SPATA17: variants seen among roughly 807,000 people sequenced by gnomAD.
SPATA17 encodes the protein spermatogenesis-associated protein 17.
A neutral mutation model predicts 62.2 loss-of-function variants in SPATA17; 53 were observed. The observed-to-expected ratio is 0.85, with a 90% confidence interval of 0.68 to 1.07. The LOEUF (loss-of-function observed/expected upper bound fraction) is 1.07, where lower values mean the gene tolerates loss of function less well. Among genes scored for constraint, SPATA17 ranks in the 50% least tolerant of loss-of-function variants. The probability of loss-of-function intolerance (pLI) is 0.00; values close to 1 mark genes in which losing one functional copy is unlikely to be tolerated. For synonymous variants in SPATA17, 146 were observed against 146.8 expected (o/e 0.99, Z 0.04); for missense variants, 466 against 425.5 (o/e 1.10, Z -0.84).
intron 5 of SPATA17, among the ~76,000 whole-genome samples, chr1:217,730,517 A>G (rs1480004734): frequency 1.3e-5 from 2 of 152,100 alleles, no homozygotes; most frequent in Admixed American, 6.6e-5. Context: ...CACCACGCCC[A>G]GCCAAGTTTT....
intron 6 of SPATA17, among the ~76,000 whole-genome samples, chr1:217,752,816 A>G (rs1479305716): frequency 2.0e-5 from 3 of 152,136 alleles, no homozygotes; most frequent in South Asian, 2.1e-4. Flanking sequence ...AGGATGTCCT[A>G]TTGCAATGAA....
chr1:217,829,410 CT>C (rs1675078848), intron 9 of SPATA17, among the ~76,000 whole-genome samples: 1 of 151,616 alleles, frequency 6.6e-6, no homozygotes, highest in African/African-American at 2.4e-5. Context: ...GCTGGATCAT[CT>C]GAGGTCAGGA....
rs566582195 is a variant in SPATA17 at position 217,654,840 on chromosome 1, G to A, written c.240+3662G>A. 1.3e-3 allele frequency among the ~76,000 whole-genome samples: 201 copies of A among 151,678 alleles called. 1 individual carries two copies. Among genetic ancestry groups the A allele is most frequent in the African/African-American group, 4.5e-3 (185 of 41,328 alleles). ...CGATTCTCCTGCCTCAGCCTCCCGAGTAGCTGGGACTACAGGCACGTGCCA... is the reference window on the plus strand; with the variant it reads ...CGATTCTCCTGCCTCAGCCTCCCGAATAGCTGGGACTACAGGCACGTGCCA... On this transcript the variant is annotated intron_variant, in intron 3 of 10. Coordinates refer to ENST00000366933, the MANE Select transcript of SPATA17 (RefSeq NM_138796.4).
chr1:217,798,594 G>A (rs1184745945), intron 8 of SPATA17, among the ~76,000 whole-genome samples: 2 of 152,196 alleles, frequency 1.3e-5, no homozygotes, highest in Non-Finnish European at 2.9e-5. Flanking sequence ...AGTTTAGAGA[G>A]AGGAATGTGA....
At chr1:217,674,611 G>T (rs750508972) in intron 4 of SPATA17, among the ~76,000 whole-genome samples, 1 of 152,202 alleles carries the variant, frequency 6.6e-6, no homozygotes, top group Non-Finnish European at 1.5e-5. Context: ...AGGGGAACAC[G>T]GTGGTGCCCA....
chr1:217,648,168 TATC>T (rs1303932099), intron 1 of SPATA17, among the ~76,000 whole-genome samples: 2 of 152,234 alleles, frequency 1.3e-5, no homozygotes, highest in Non-Finnish European at 2.9e-5. Context: ...ATAGTAATCT[TATC>T]ATGGTGCCTT....
intron 9 of SPATA17, among the ~76,000 whole-genome samples, chr1:217,844,628 A>T (rs1448998902): frequency 6.6e-6 from 1 of 152,136 alleles, no homozygotes; most frequent in Non-Finnish European, 1.5e-5. Context: ...GGGAACTTAC[A>T]CTATAAAGTA....
At chr1:217,806,441 C>T (rs1382478563) in intron 9 of SPATA17, among the ~76,000 whole-genome samples, 1 of 152,176 alleles carries the variant, frequency 6.6e-6, no homozygotes, top group Non-Finnish European at 1.5e-5. Flanking sequence ...GTAGCAGCCC[C>T]AGTGATCTCT....
intron 8 of SPATA17, among the ~76,000 whole-genome samples, chr1:217,787,516 A>G (rs1187167586): frequency 6.6e-6 from 1 of 152,074 alleles, no homozygotes; most frequent in Non-Finnish European, 1.5e-5. Context: ...AAAATTTTCT[A>G]CTTCCTTTGA....
At chr1:217,771,736 C>G (rs1673451366) in intron 6 of SPATA17, among the ~76,000 whole-genome samples, 1 of 152,122 alleles carries the variant, frequency 6.6e-6, no homozygotes, top group Non-Finnish European at 1.5e-5. Flanking sequence ...AGAGAATACA[C>G]ATGAGGAGGT....
intron 6 of SPATA17, among the ~76,000 whole-genome samples, chr1:217,767,925 T>C (rs1571792485): frequency 6.6e-6 from 1 of 152,150 alleles, no homozygotes; most frequent in African/African-American, 2.4e-5. Flanking sequence ...TATGGCTTGC[T>C]TCAGGCTTTT....
intron 3 of SPATA17, chr1:217,665,198 G>A (rs1261885441): frequency 6.6e-6 from 1 of 152,168 alleles, no homozygotes; most frequent in East Asian, 1.9e-4. Flanking sequence ...ACTCTCATCA[G>A]TAATCATTAT....
intron 3 of SPATA17, 132 bp from the exon 4 acceptor site, chr1:217,668,901 G>A (rs903270146): frequency 3.8e-6 from 3 of 794,316 alleles, no homozygotes; most frequent in Non-Finnish European, 2.0e-6. Flanking sequence ...TACAACATTT[G>A]ATTTCATTTT....
At chr1:217,717,816 A>C (rs557751756) in intron 5 of SPATA17, among the ~76,000 whole-genome samples, 1 of 152,262 alleles carries the variant, frequency 6.6e-6, no homozygotes, top group Admixed American at 6.5e-5. Context: ...CTTGGACTAG[A>C]GGTTGCCAAT....
intron 5 of SPATA17, among the ~76,000 whole-genome samples, chr1:217,685,747 A>G (rs945817036): frequency 1.8e-4 from 27 of 152,170 alleles, no homozygotes; most frequent in African/African-American, 6.3e-4. Context: ...TATATAGGAT[A>G]CTTACGTCCT....
At chr1:217,636,039 A>G (rs373165056) in intron 1 of SPATA17, among the ~76,000 whole-genome samples, 7 of 148,812 alleles carry the variant, frequency 4.7e-5, no homozygotes, top group African/African-American at 1.7e-4. Context: ...AGGCTGAGGC[A>G]GGAGAATCAC....
chr1:217,656,080 C>T (rs1404203803), intron 3 of SPATA17, among the ~76,000 whole-genome samples: 1 of 151,888 alleles, frequency 6.6e-6, no homozygotes, highest in African/African-American at 2.4e-5. Context: ...GATGGGGTTT[C>T]ACCATGTTGG....
intron 6 of SPATA17, among the ~76,000 whole-genome samples, chr1:217,761,045 A>G (rs1673161383): frequency 6.6e-6 from 1 of 152,178 alleles, no homozygotes; most frequent in South Asian, 2.1e-4. Flanking sequence ...AAGTCTAGAA[A>G]TCACTATGGG....
chr1:217,809,492 G>A (rs1204425155), intron 9 of SPATA17, among the ~76,000 whole-genome samples: 2 of 152,156 alleles, frequency 1.3e-5, no homozygotes, highest in East Asian at 3.9e-4. Flanking sequence ...TCTGGTGAGG[G>A]CTTTTGTGCT....
Sources: allele counts gnomAD v4.1 joint callset (sites outside exome capture counted in the v4.1 genomes callset), GRCh38; gene constraint gnomAD v4.1.1; transcripts MANE v1.5; gene names NCBI Gene and HGNC (gene_info 2026-07-23, HGNC 2026-07-21).